The following RPRD2 variants were observed in gnomAD, a reference collection of about 807,000 sequenced individuals.
RPRD2 encodes regulation of nuclear pre-mRNA domain-containing protein 2.
In RPRD2, 12 loss-of-function variants were observed where a neutral mutation model predicts 104.4. That is an observed-to-expected ratio of 0.11 (90% CI 0.07 to 0.19). RPRD2 has a LOEUF of 0.19. Ranked by LOEUF, RPRD2 falls within the 10% of genes least tolerant of loss-of-function variation. RPRD2 has a pLI of 1.00. For synonymous variants in RPRD2, 714 were observed against 684.9 expected, an observed-to-expected ratio of 1.04 and a Z score of -0.66; for missense variants, 1,543 against 1,790.1, an observed-to-expected ratio of 0.86 and a Z score of 2.49.
chr1:150,422,131 CCTGA>C (rs1358185395), intron 2 of RPRD2, among the ~76,000 whole-genome samples: 6 of 150,950 alleles, frequency 4.0e-5, no homozygotes, highest in Non-Finnish European at 4.4e-5. Flanking sequence ...GACCATCCTT[CCTGA>C]CTAACACAGT....
intron 1 of RPRD2, among the ~76,000 whole-genome samples, chr1:150,374,787 T>C (rs1553879155): frequency 6.6e-6 from 1 of 152,224 alleles, no homozygotes; most frequent in African/African-American, 2.4e-5. Context: ...GTATTTTAGA[T>C]GACTCTTTCT....
rs1206229266 is a variant in RPRD2 at position 150,475,119 on chromosome 1, A to G, written c.*1785A>G. 2 of 152,084 alleles carry G rather than the reference A, an allele frequency of 1.3e-5. No homozygotes were observed. Among genetic ancestry groups the G allele is most frequent in the Non-Finnish European group, 2.9e-5 (2 of 68,042 alleles). The allele number at this position is 152,084 out of a possible 1,614,324, so 9.4% of individuals were successfully genotyped here. On this transcript the variant is annotated 3_prime_UTR_variant, in exon 11 of 11. Coordinates refer to ENST00000369068, the MANE Select transcript of RPRD2 (RefSeq NM_015203.5). Reference sequence around the variant, plus strand: ...CTTTCCTCGACCCTCTCTGCCCTGTAGCTCTCCCCACAAAAATGCATGATA... The same window carrying G: ...CTTTCCTCGACCCTCTCTGCCCTGTGGCTCTCCCCACAAAAATGCATGATA...
At chr1:150,372,478 T>C (rs189062565) in intron 1 of RPRD2, among the ~76,000 whole-genome samples, 34 of 121,812 alleles carry the variant, frequency 2.8e-4, no homozygotes, top group African/African-American at 1.0e-3. Context: ...AGACTCCGTC[T>C]GAAAAAAGAA....
At chr1:150,423,825 T>G (rs1553890113) in intron 2 of RPRD2, among the ~76,000 whole-genome samples, 1 of 150,404 alleles carries the variant, frequency 6.6e-6, no homozygotes, top group Non-Finnish European at 1.5e-5. Flanking sequence ...AGAGTTTCGC[T>G]CTTATTGCCC....
Position 150,419,237 on chromosome 1 carries a change from A to C in RPRD2, c.335+1512A>C, listed in dbSNP as rs1664588493. Among the ~76,000 whole-genome samples the C allele has an allele frequency of 2.0e-5, 3 of 152,348 alleles. No individual in the cohort carries two copies. The South Asian group carries it at 6.2e-4, about 32-fold the overall frequency. On this transcript the variant is annotated intron_variant, in intron 2 of 10. Transcript: ENST00000369068. ...AGGCACACACAGTTACAGGATAAAC[A>C]ATATATAGAGCAATATATAAACACT...
intron 1 of RPRD2, among the ~76,000 whole-genome samples, chr1:150,394,525 G>A (rs1431724260): frequency 1.3e-5 from 2 of 152,168 alleles, no homozygotes; most frequent in African/African-American, 4.8e-5. Flanking sequence ...AGATATTAAC[G>A]ATTGCTAAAT....
chr1:150,364,698 T>G lies in RPRD2; in HGVS notation c.-17T>G. 2.0e-6 allele frequency: 3 copies of G among 1,506,666 alleles called. No homozygotes were observed. Among genetic ancestry groups the G allele is most frequent in the Non-Finnish European group, 2.7e-6 (3 of 1,107,050 alleles). 93.3% of individuals were successfully genotyped at this position (1,506,666 alleles called of 1,614,324 possible). ...GCCGCCGCCAGAGGAGCAGCAGCGC[T>G]TGTGCAAACCGGGAAGATGGCGGCC... On this transcript the variant is annotated 5_prime_UTR_variant, in exon 1 of 11. Coordinates refer to ENST00000369068, the MANE Select transcript of RPRD2 (RefSeq NM_015203.5).
At chr1:150,462,213 C>T (rs762131566) in intron 9 of RPRD2, among the ~76,000 whole-genome samples, 16 of 151,746 alleles carry the variant, frequency 1.1e-4, no homozygotes, top group East Asian at 2.0e-4. Context: ...ACCTGGGAGG[C>T]GGGGGTTGCA....
At chr1:150,411,459 AAAAAAAAAAAC>A (rs1182208040) in intron 1 of RPRD2, among the ~76,000 whole-genome samples, 1 of 116,368 alleles carries the variant, frequency 8.6e-6, no homozygotes, top group Non-Finnish European at 1.7e-5. Flanking sequence ...AGACTGTCTC[AAAAAAAAAAAC>A]AAAAAAAAAA....
intron 1 of RPRD2, among the ~76,000 whole-genome samples, chr1:150,390,860 A>T (rs1662010483): frequency 6.6e-6 from 1 of 152,152 alleles, no homozygotes; most frequent in Admixed American, 6.6e-5. Flanking sequence ...TAATGGAGAA[A>T]ATGGAATAAT....
intron 1 of RPRD2, among the ~76,000 whole-genome samples, chr1:150,374,942 T>A (rs587658178): frequency 6.6e-6 from 1 of 152,254 alleles, no homozygotes; most frequent in East Asian, 1.9e-4. Context: ...TCTGTATTCA[T>A]TGAGCAGGAG....
At chr1:150,397,554 A>G (rs587643152) in intron 1 of RPRD2, among the ~76,000 whole-genome samples, 24 of 152,258 alleles carry the variant, frequency 1.6e-4, no homozygotes, top group South Asian at 8.3e-4. Context: ...TGTCATGTAA[A>G]TGGAGTGATG....
intron 1 of RPRD2, among the ~76,000 whole-genome samples, chr1:150,406,814 A>G (rs1463724838): frequency 6.6e-6 from 1 of 152,274 alleles, no homozygotes; most frequent in East Asian, 1.9e-4. Context: ...TGCTGGGTTC[A>G]AGTGATTCTC....
chr1:150,445,463 A>T (rs1246576068), intron 6 of RPRD2, among the ~76,000 whole-genome samples: 10 of 152,330 alleles, frequency 6.6e-5, no homozygotes, highest in Admixed American at 4.6e-4. Flanking sequence ...ATGCATACAG[A>T]GGTCACTTTA....
chr1:150,405,538 C>T (rs1663403620), intron 1 of RPRD2, among the ~76,000 whole-genome samples: 1 of 152,018 alleles, frequency 6.6e-6, no homozygotes, highest in Non-Finnish European at 1.5e-5. Context: ...ATGCTTGGAA[C>T]ATGAAGCCGA....
intron 9 of RPRD2, among the ~76,000 whole-genome samples, chr1:150,462,712 C>T (rs587605410): frequency 2.2e-4 from 34 of 152,128 alleles, no homozygotes; most frequent in African/African-American, 7.7e-4. Context: ...CCTGCCACCA[C>T]GCCCAGCTAA....
chr1:150,370,274 G>T (rs1660201467), intron 1 of RPRD2, among the ~76,000 whole-genome samples: 1 of 152,140 alleles, frequency 6.6e-6, no homozygotes, highest in South Asian at 2.1e-4. Flanking sequence ...AGAGGCCTGT[G>T]TTAACATGTT....
Position 150,471,638 on chromosome 1 carries a change from T to C in RPRD2, c.2690T>C (p.Leu897Pro). 6.2e-7 allele frequency: 1 copy of C among 1,613,908 alleles called. No individual in the cohort carries two copies. The highest frequency in any genetic ancestry group is 1.6e-4 in the Middle Eastern group (1 of 6,062). Residue 897 changes from leucine to proline, a missense_variant, in exon 11 of 11, where the codon CTG (leucine) becomes CCG (proline). By Grantham distance (98) the Leu-to-Pro change is moderately conservative. This residue lies in a region of RPRD2 where 880 missense variants were observed against 885.6 expected (regional missense o/e 0.99). Transcript: ENST00000369068. The surrounding 1 kb of genome is among the most constrained non-coding windows in gnomAD (Gnocchi z 5.3). ...SAFPPSVRAL[L>P]DSSENCDRLS... ...TTCCCTCCATCTGTAAGGGCCCTCC[T>C]GGACTCTAGTGAGAACTGTGACCGT...
chr1:150,463,859 T>C (rs1456047469), intron 9 of RPRD2, among the ~76,000 whole-genome samples: 1 of 152,142 alleles, frequency 6.6e-6, no homozygotes, highest in African/African-American at 2.4e-5. Context: ...GAAAAAAGAT[T>C]GTCCAGGTGT....
Sources: gnomAD v4.1 joint callset for allele counts (sites outside exome capture counted in the v4.1 genomes callset) on GRCh38, gnomAD v4.1.1 for gene constraint, gnomAD v4.1.1 regional missense constraint, Gnocchi (gnomAD v3.1) non-coding constraint, MANE v1.5 for transcripts, NCBI Gene and HGNC (gene_info 2026-07-23, HGNC 2026-07-21) for gene names.